The following DENND1A variants were observed in gnomAD, a reference collection of about 807,000 sequenced individuals.
The protein encoded by DENND1A is DENN domain containing 1A, also known as DENN domain-containing protein 1A.
A neutral mutation model predicts 113.7 loss-of-function variants in DENND1A; 51 were observed. That is an observed-to-expected ratio of 0.45 (90% CI 0.36 to 0.57). DENND1A has a LOEUF of 0.57. Among genes scored for constraint, DENND1A ranks in the 20% least tolerant of loss-of-function variants. The pLI is 0.00. For missense variants in DENND1A, 1,258 were observed against 1,395.9 expected (o/e 0.90, Z 1.57); for synonymous variants, 565 against 570.8 (o/e 0.99, Z 0.14).
intron 13 of DENND1A, among the ~76,000 whole-genome samples, chr9:123,536,119 T>A (rs889513575): frequency 6.6e-6 from 1 of 152,114 alleles, no homozygotes; most frequent in African/African-American, 2.4e-5. Flanking sequence ...AGCAGGCAAG[T>A]ACAAACCACC....
chr9:123,470,678 C>T (rs766046120), intron 13 of DENND1A, among the ~76,000 whole-genome samples: 4 of 152,188 alleles, frequency 2.6e-5, no homozygotes, highest in African/African-American at 4.8e-5. Flanking sequence ...GGCACAAATT[C>T]GTCTCCACAA....
intron 1 of DENND1A, among the ~76,000 whole-genome samples, chr9:123,924,509 G>A (rs1340224732): frequency 6.6e-6 from 1 of 152,036 alleles, no homozygotes; most frequent in Non-Finnish European, 1.5e-5. Flanking sequence ...AAACTAGTCA[G>A]GCATGGTGGC....
At chr9:123,517,285 C>A (rs1304183384) in intron 13 of DENND1A, among the ~76,000 whole-genome samples, 3 of 147,772 alleles carry the variant, frequency 2.0e-5, no homozygotes, top group African/African-American at 7.5e-5. Context: ...CCACAAAACC[C>A]CCCCCAAAAA....
chr9:123,775,510 C>T (rs1830334023), intron 3 of DENND1A, among the ~76,000 whole-genome samples: 1 of 151,184 alleles, frequency 6.6e-6, no homozygotes, highest in African/African-American at 2.4e-5. Flanking sequence ...TAGGAAGATA[C>T]TATTTTAAAA....
intron 9 of DENND1A, among the ~76,000 whole-genome samples, chr9:123,638,855 T>G (rs2061857344): frequency 6.6e-6 from 1 of 151,804 alleles, no homozygotes; most frequent in Non-Finnish European, 1.5e-5. Flanking sequence ...TTCTATTTCT[T>G]TGACAATATA....
chr9:123,569,819 G>A (rs971011828), intron 12 of DENND1A, among the ~76,000 whole-genome samples: 24 of 152,178 alleles, frequency 1.6e-4, no homozygotes, highest in African/African-American at 5.5e-4. Context: ...CTAGCAACCA[G>A]CAAAGCAGCA....
At chr9:123,407,531 G>T (rs547384436) in intron 20 of DENND1A, among the ~76,000 whole-genome samples, 1 of 152,052 alleles carries the variant, frequency 6.6e-6, no homozygotes, top group Non-Finnish European at 1.5e-5. Flanking sequence ...AATGAAGCCC[G>T]AATCACAGAC....
rs1316463106 is a variant in DENND1A at position 123,879,039 on chromosome 9, C to G, written c.18-18G>C. 8 of 1,613,014 alleles carry G rather than the reference C, an allele frequency of 5.0e-6. No individual in the cohort carries two copies. The East Asian group carries it at 1.6e-4, about 31-fold the overall frequency. On this transcript the variant is annotated intron_variant, in intron 1 of 23. Transcript: ENST00000394215. The stretch of plus-strand genomic sequence containing the variant: ...GATTCTGCCTACAAAAGAAACAGAT[C>G]ATGATTACTGACAAAGATTGAGGCA...
chr9:123,425,040 G>GCA (rs1043511435), intron 19 of DENND1A, among the ~76,000 whole-genome samples: 28 of 152,356 alleles, frequency 1.8e-4, no homozygotes, highest in African/African-American at 6.7e-4. Context: ...CTCTGGCACA[G>GCA]CACTCCTGTG....
chr9:123,926,991 CTG>C (rs1857234886), intron 1 of DENND1A, among the ~76,000 whole-genome samples: 1 of 152,116 alleles, frequency 6.6e-6, no homozygotes, highest in Non-Finnish European at 1.5e-5. Flanking sequence ...CAACAGGAAA[CTG>C]GCATCAAGGC....
At chr9:123,417,169 G>T (rs1388600034) in intron 19 of DENND1A, among the ~76,000 whole-genome samples, 2 of 152,180 alleles carry the variant, frequency 1.3e-5, no homozygotes, top group Non-Finnish European at 2.9e-5. Flanking sequence ...AGTTACAGCC[G>T]CACGAGGTTC....
intron 20 of DENND1A, among the ~76,000 whole-genome samples, chr9:123,409,023 C>T (rs910244015): frequency 6.6e-6 from 1 of 152,292 alleles, no homozygotes; most frequent in Admixed American, 6.5e-5. Flanking sequence ...TGGAGAGAGG[C>T]AAGCTGGGCT....
intron 1 of DENND1A, among the ~76,000 whole-genome samples, chr9:123,920,419 G>A (rs1856018134): frequency 6.6e-6 from 1 of 152,114 alleles, no homozygotes; most frequent in African/African-American, 2.4e-5. Context: ...ACAAGAGCAA[G>A]GCTCTGTCAC....
chr9:123,386,909 G>C (rs988804624), intron 22 of DENND1A, among the ~76,000 whole-genome samples: 1 of 152,212 alleles, frequency 6.6e-6, no homozygotes, highest in Non-Finnish European at 1.5e-5. Flanking sequence ...GGGGACATGA[G>C]GGAGAGGGAG....
chr9:123,753,383 C>T (rs1405522832), intron 5 of DENND1A, among the ~76,000 whole-genome samples: 2 of 152,154 alleles, frequency 1.3e-5, no homozygotes, highest in African/African-American at 4.8e-5. Flanking sequence ...GTCTAAAAAC[C>T]TTTCATTGTG....
chr9:123,728,498 A>C (rs868652808), intron 5 of DENND1A, among the ~76,000 whole-genome samples: 5 of 145,694 alleles, frequency 3.4e-5, no homozygotes, highest in South Asian at 2.1e-4. Context: ...AAAAAAAAAA[A>C]AAAAAAAAAA....
chr9:123,596,156 G>A (rs1244939448), intron 11 of DENND1A, among the ~76,000 whole-genome samples: 1 of 152,168 alleles, frequency 6.6e-6, no homozygotes, highest in Non-Finnish European at 1.5e-5. Flanking sequence ...AGCAGATCCT[G>A]CTCTTCTAGA....
rs764268652 is a variant in DENND1A at position 123,381,475 on chromosome 9, T to TCTGGGG, written c.3164_3169dup (p.Ala1055_Pro1056dup). 14 of 1,613,096 alleles carry TCTGGGG rather than the reference T, an allele frequency of 8.7e-6. No homozygotes were observed. The highest frequency in any genetic ancestry group is 1.1e-5 in the South Asian group (1 of 91,062). On this transcript the variant is annotated inframe_insertion, in exon 24 of 24. Coordinates refer to ENST00000394215, the MANE Select transcript of DENND1A (RefSeq NM_001352964.2). The surrounding 1 kb of genome is among the most constrained non-coding windows in gnomAD (Gnocchi z 4.7). ...CTGCTTCCTGAGCTGCTCCACCGAG[T>TCTGGGG]CTGGGGCCGGGGCCAGGGCCGGACT...
intron 13 of DENND1A, among the ~76,000 whole-genome samples, chr9:123,519,616 G>A (rs2054227459): frequency 6.6e-6 from 1 of 151,998 alleles, no homozygotes; most frequent in Admixed American, 6.6e-5. Flanking sequence ...AAAGGTTTCT[G>A]TCATGTTGGC....
Sources: allele counts gnomAD v4.1 joint callset (sites outside exome capture counted in the v4.1 genomes callset), GRCh38; gene constraint gnomAD v4.1.1; non-coding constraint Gnocchi (gnomAD v3.1); transcripts MANE v1.5; gene names NCBI Gene and HGNC (gene_info 2026-07-23, HGNC 2026-07-21).